Variants in FSTL4 observed in about 807,000 individuals in gnomAD.
FSTL4 encodes follistatin-related protein 4.
Under a neutral mutation model 78.2 loss-of-function variants are expected in FSTL4, and 28 were observed. That is an observed-to-expected ratio of 0.36 (90% CI 0.27 to 0.49). The LOEUF is 0.49. FSTL4 is among the 20% of genes least tolerant of loss of function. FSTL4 has a pLI of 0.98. For missense variants in FSTL4, 922 were observed against 1,084.9 expected (o/e 0.85, Z 2.11); for synonymous variants, 422 against 440.5 (o/e 0.96, Z 0.53).
At chr5:133,816,336 G>T in the FSTL4 span, among the ~76,000 whole-genome samples, 1 of 152,226 alleles carries the variant, frequency 6.6e-6, no homozygotes, top group African/African-American at 2.4e-5. Flanking sequence ...GTGGAGTCAG[G>T]TGGGCAGTCT....
At chr5:133,549,262 C>T (rs899295642) in intron 3 of FSTL4, among the ~76,000 whole-genome samples, 4 of 152,124 alleles carry the variant, frequency 2.6e-5, no homozygotes, top group Admixed American at 6.6e-5. Flanking sequence ...TGCCTCCTAA[C>T]CTTGATAGCT....
chr5:133,302,410 A>G (rs1044335618), intron 6 of FSTL4, among the ~76,000 whole-genome samples: 2 of 152,208 alleles, frequency 1.3e-5, no homozygotes, highest in Non-Finnish European at 2.9e-5. Context: ...CAGGTCTTCG[A>G]AAAAGGGAAA....
the FSTL4 span, among the ~76,000 whole-genome samples, chr5:133,772,212 C>T: frequency 6.6e-6 from 1 of 152,170 alleles, no homozygotes; most frequent in Non-Finnish European, 1.5e-5. Context: ...TCCAATTTGG[C>T]TTTCCATTTG....
At chr5:133,445,616 G>T (rs1224477547) in intron 3 of FSTL4, among the ~76,000 whole-genome samples, 1 of 152,190 alleles carries the variant, frequency 6.6e-6, no homozygotes, top group East Asian at 1.9e-4. Context: ...GGCCCCACCT[G>T]GGAGTCTCTA....
At chr5:133,801,923 C>T in the FSTL4 span, among the ~76,000 whole-genome samples, 1 of 152,208 alleles carries the variant, frequency 6.6e-6, no homozygotes, top group East Asian at 1.9e-4. Flanking sequence ...AACACACCTC[C>T]CTGCTCCCTA....
chr5:133,280,804 C>T (rs1752991409), intron 6 of FSTL4, among the ~76,000 whole-genome samples: 1 of 152,240 alleles, frequency 6.6e-6, no homozygotes, highest in Admixed American at 6.5e-5. Context: ...CTGCCTCCAG[C>T]CCTTGATTAC....
chr5:133,376,857 C>G (rs1755446032), intron 4 of FSTL4, among the ~76,000 whole-genome samples: 1 of 147,134 alleles, frequency 6.8e-6, no homozygotes, highest in Admixed American at 6.8e-5. Context: ...CCATTGCACT[C>G]CAGCCTGAGA....
chr5:133,712,809 C>T, the FSTL4 span, among the ~76,000 whole-genome samples: 6 of 152,324 alleles, frequency 3.9e-5, no homozygotes, highest in African/African-American at 1.2e-4. Flanking sequence ...CCTATGCCCA[C>T]GATGCTGTGT....
intron 3 of FSTL4, among the ~76,000 whole-genome samples, chr5:133,469,370 C>T (rs1288034849): frequency 6.6e-6 from 1 of 152,202 alleles, no homozygotes; most frequent in African/African-American, 2.4e-5. Flanking sequence ...TCCAAGAGCT[C>T]ATAACCAGAG....
At chr5:133,388,199 T>C (rs1187467362) in intron 4 of FSTL4, among the ~76,000 whole-genome samples, 1 of 152,238 alleles carries the variant, frequency 6.6e-6, no homozygotes, top group African/African-American at 2.4e-5. Flanking sequence ...GAGTTCCTCT[T>C]TGTCAGATTC....
In FSTL4 at chr5:133,223,008, C is replaced by T. The variant is rs148074368; in HGVS notation, c.1339+1182G>A. ...CCCCAAGGCGGCTGTGGGTCTTTAGCGGGCACTGGGGTCTTTGTAGCTGAT... is the reference window on the plus strand; with the variant it reads ...CCCCAAGGCGGCTGTGGGTCTTTAGTGGGCACTGGGGTCTTTGTAGCTGAT... On this transcript the variant is annotated intron_variant, in intron 11 of 15. Transcript: ENST00000265342. Among the ~76,000 whole-genome samples, 1,289 of 152,318 alleles carry T rather than the reference C, an allele frequency of 8.5e-3. 23 individuals are homozygous for T. Among genetic ancestry groups the T allele is most frequent in the African/African-American group, 0.03 (1,233 of 41,570 alleles).
At position 133,406,978 on chromosome 5, in the gene FSTL4, T is replaced by C. The variant is rs531198339; in HGVS notation, c.161-5992A>G. Among the ~76,000 whole-genome samples, 26 of 152,360 alleles carry C rather than the reference T, an allele frequency of 1.7e-4. No homozygotes were observed. The South Asian group carries it at 5.2e-3, about 30-fold the overall frequency. ...TTGAACTTGGGATAATCTGCTCAGC[T>C]GGTGATATGGTCTCTGCTTCAAGTT... On this transcript the variant is annotated intron_variant, in intron 3 of 15. Coordinates refer to ENST00000265342, the MANE Select transcript of FSTL4 (RefSeq NM_015082.2).
chr5:133,327,482 G>A (rs1387464958), intron 4 of FSTL4, among the ~76,000 whole-genome samples: 1 of 152,328 alleles, frequency 6.6e-6, no homozygotes, highest in East Asian at 1.9e-4. Context: ...CTGGCTCTCA[G>A]GAGGGGCCTG....
the FSTL4 span, among the ~76,000 whole-genome samples, chr5:133,804,181 T>C: frequency 6.0e-4 from 91 of 152,316 alleles, 1 homozygote; most frequent in Middle Eastern, 0.01. Context: ...CTGTTCTCCA[T>C]GCCCTAAAGG....
chr5:133,313,716 A>C (rs1431259753), intron 5 of FSTL4, among the ~76,000 whole-genome samples: 1 of 152,168 alleles, frequency 6.6e-6, no homozygotes. Context: ...TAATGTGATA[A>C]TGTTAAAAAA....
intron 15 of FSTL4, among the ~76,000 whole-genome samples, chr5:133,200,639 C>G (rs1272527997): frequency 6.6e-6 from 1 of 152,218 alleles, no homozygotes; most frequent in East Asian, 1.9e-4. Flanking sequence ...TCTTTGGAGG[C>G]TGGTTGGAAG....
intron 4 of FSTL4, among the ~76,000 whole-genome samples, chr5:133,362,968 A>G (rs1334325127): frequency 6.6e-6 from 1 of 151,934 alleles, no homozygotes; most frequent in East Asian, 1.9e-4. Flanking sequence ...TTTAAATTCC[A>G]GGCTAATTCC....
chr5:133,535,410 C>T (rs191075662), intron 3 of FSTL4, among the ~76,000 whole-genome samples: 139 of 152,378 alleles, frequency 9.1e-4, no homozygotes, highest in East Asian at 5.4e-3. Context: ...GGCGGAAAAC[C>T]GCTTAAAGGC....
At chr5:133,303,946 C>T (rs1249043142) in intron 6 of FSTL4, among the ~76,000 whole-genome samples, 1 of 152,158 alleles carries the variant, frequency 6.6e-6, no homozygotes, top group Non-Finnish European at 1.5e-5. Context: ...GGCTTGGGGG[C>T]ACTCCCTGTT....
Sources: allele counts gnomAD v4.1 joint callset (sites outside exome capture counted in the v4.1 genomes callset), GRCh38; gene constraint gnomAD v4.1.1; transcripts MANE v1.5; gene names NCBI Gene and HGNC (gene_info 2026-07-23, HGNC 2026-07-21).